CDH13: variants seen among roughly 807,000 people sequenced by gnomAD.
CDH13 encodes cadherin 13.
A neutral mutation model predicts 63.8 loss-of-function variants in CDH13; 24 were observed. That is an observed-to-expected ratio of 0.38 (90% CI 0.27 to 0.53). The LOEUF (loss-of-function observed/expected upper bound fraction) is 0.53, where lower values mean the gene tolerates loss of function less well. Among genes scored for constraint, CDH13 ranks in the 20% least tolerant of loss-of-function variants. CDH13 has a pLI of 0.85. For missense variants in CDH13, 1,049 were observed against 903.1 expected, an observed-to-expected ratio of 1.16 and a Z score of -2.07; for synonymous variants, 503 against 355.3, an observed-to-expected ratio of 1.42 and a Z score of -4.67.
chr16:82,715,497 G>A (rs1025285298), intron 1 of CDH13, among the ~76,000 whole-genome samples: 1 of 152,116 alleles, frequency 6.6e-6, no homozygotes, highest in East Asian at 1.9e-4. Context: ...AAGCCGCAAA[G>A]GATTTTATTT....
intron 1 of CDH13, among the ~76,000 whole-genome samples, chr16:82,670,912 G>A (rs968646391): frequency 2.0e-5 from 3 of 152,186 alleles, no homozygotes; most frequent in African/African-American, 7.2e-5. Context: ...TCCTGGAGGT[G>A]CAGTATCACC....
intron 5 of CDH13, among the ~76,000 whole-genome samples, chr16:83,229,171 A>C (rs370456651): frequency 1.3e-5 from 2 of 152,308 alleles, no homozygotes; most frequent in East Asian, 1.9e-4. Context: ...TCCAATTTGC[A>C]TTTCAAGAAG....
intron 6 of CDH13, among the ~76,000 whole-genome samples, chr16:83,349,526 G>C (rs939979376): frequency 6.6e-6 from 1 of 152,012 alleles, no homozygotes; most frequent in Admixed American, 6.6e-5. Flanking sequence ...AGAGGTACAG[G>C]GACAGATACC....
At chr16:83,751,707 G>A (rs734021) in intron 11 of CDH13, among the ~76,000 whole-genome samples, 23,573 of 152,202 alleles carry the variant, frequency 0.15, 2,215 homozygotes, top group East Asian at 0.25. Context: ...CAGAGGGGAA[G>A]AACCTAGATA....
At chr16:83,151,451 T>C (rs780404534) in intron 4 of CDH13, among the ~76,000 whole-genome samples, 32 of 152,284 alleles carry the variant, frequency 2.1e-4, no homozygotes, top group South Asian at 6.2e-4. Context: ...AATGTACCTA[T>C]GGGAGGATAG....
intron 4 of CDH13, among the ~76,000 whole-genome samples, chr16:83,155,765 A>T (rs2037181749): frequency 6.6e-6 from 1 of 152,218 alleles, no homozygotes; most frequent in Non-Finnish European, 1.5e-5. Context: ...ACTGAACTGC[A>T]AACAGATGAT....
intron 5 of CDH13, among the ~76,000 whole-genome samples, chr16:83,284,432 T>C (rs2089258974): frequency 6.6e-6 from 1 of 152,240 alleles, no homozygotes; most frequent in South Asian, 2.1e-4. Flanking sequence ...CATTAAAATA[T>C]ATTTACTCTA....
At position 83,123,463 on chromosome 16, in the gene CDH13, G is replaced by C. The variant is rs1022005051; in HGVS notation, c.367-1922G>C. On this transcript the variant is annotated intron_variant, in intron 3 of 13. Coordinates refer to ENST00000567109, the MANE Select transcript of CDH13 (RefSeq NM_001257.5). ...CCCGGCTAATTTTGTATTTTTAGTAGAGACGAGGTTTCTCCATGTTGGTCA... is the reference window on the plus strand; with the variant it reads ...CCCGGCTAATTTTGTATTTTTAGTACAGACGAGGTTTCTCCATGTTGGTCA... Among the ~76,000 whole-genome samples the C allele has an allele frequency of 3.9e-5, 6 of 152,058 alleles. No individual in the cohort carries two copies. The South Asian group carries it at 6.2e-4, about 16-fold the overall frequency.
At chr16:83,554,958 T>C (rs1198554103) in intron 7 of CDH13, among the ~76,000 whole-genome samples, 1 of 151,160 alleles carries the variant, frequency 6.6e-6, no homozygotes. Context: ...TCTCCCTCTT[T>C]GTTATTTAGG....
chr16:83,068,991 T>G (rs1251188295), intron 3 of CDH13, among the ~76,000 whole-genome samples: 1 of 152,180 alleles, frequency 6.6e-6, no homozygotes, highest in East Asian at 1.9e-4. Flanking sequence ...GTTACCCATT[T>G]CCCATGCCCC....
At chr16:82,713,830 A>AC (rs1324289197) in intron 1 of CDH13, among the ~76,000 whole-genome samples, 17 of 151,314 alleles carry the variant, frequency 1.1e-4, no homozygotes, top group Non-Finnish European at 2.2e-4. Flanking sequence ...ACAAAAAAAA[A>AC]GGAAAACAAT....
intron 8 of CDH13, among the ~76,000 whole-genome samples, chr16:83,669,521 C>CCTT: frequency 6.6e-6 from 1 of 152,198 alleles, no homozygotes; most frequent in African/African-American, 2.4e-5. Context: ...CCTCAGTATC[C>CCTT]CTTCTCATTC....
intron 1 of CDH13, among the ~76,000 whole-genome samples, chr16:82,643,913 A>AC (rs1909739605): frequency 1.9e-5 from 1 of 51,328 alleles, no homozygotes; most frequent in Non-Finnish European, 5.9e-5. Context: ...GGCCCAGTTA[A>AC]TTAAAAAAAA....
At chr16:83,057,647 C>A (rs1459575049) in intron 3 of CDH13, among the ~76,000 whole-genome samples, 2 of 151,422 alleles carry the variant, frequency 1.3e-5, no homozygotes, top group South Asian at 2.1e-4. Flanking sequence ...GCATGACACA[C>A]AAAACCATCT....
intron 5 of CDH13, among the ~76,000 whole-genome samples, chr16:83,311,258 A>T (rs571988343): frequency 6.6e-6 from 1 of 152,246 alleles, no homozygotes; most frequent in East Asian, 1.9e-4. Flanking sequence ...GGCTTGGAGC[A>T]AGTCAACTTC....
rs1483615864 is a variant in CDH13, at chr16:83,421,680, T to C, written c.782-64797T>C. Among the ~76,000 whole-genome samples the C allele has an allele frequency of 2.0e-5, 3 of 152,182 alleles. No individual in the cohort carries two copies. The East Asian group carries it at 5.8e-4, about 29-fold the overall frequency. On this transcript the variant is annotated intron_variant, in intron 6 of 13. Coordinates refer to ENST00000567109, the MANE Select transcript of CDH13 (RefSeq NM_001257.5). ...CAGATTACATGGCCACCCCTACTGT[T>C]GAGGAGACTAATGAAGTATTTGGCT...
rs71148809 is a variant in CDH13, at chr16:83,080,871, G to GTTTTTTTTTTTTTTTTTTTTTTTTTTTTT, written c.367-44487_367-44486insTTTTTTTTTTTTTTTTTTTTTTTTTTTTT. On this transcript the variant is annotated intron_variant, in intron 3 of 13. Transcript: ENST00000567109. ...AGATAGAGTTTTGTTTTGTTTTTGT[G>GTTTTTTTTTTTTTTTTTTTTTTTTTTTTT]TTTTTTTTTTTTTTTTTTTTTTTTT... is the stretch of plus-strand genomic sequence containing the variant. Among the ~76,000 whole-genome samples, 8 of 46,956 alleles carry GTTTTTTTTTTTTTTTTTTTTTTTTTTTTT rather than the reference G, an allele frequency of 1.7e-4. 2 individuals carry two copies. The highest frequency in any genetic ancestry group is 7.4e-4 in the African/African-American group (8 of 10,816). 30.8% of individuals were successfully genotyped at this position (46,956 alleles called of 152,430 possible). A position where few individuals can be genotyped will look rare whatever the true frequency, so the allele number is the denominator to read the frequency against.
chr16:82,703,552 T>C (rs1200650113), intron 1 of CDH13, among the ~76,000 whole-genome samples: 1 of 152,186 alleles, frequency 6.6e-6, no homozygotes, highest in Non-Finnish European at 1.5e-5. Flanking sequence ...CAGTGGTACC[T>C]GGACTGATAA....
intron 2 of CDH13, among the ~76,000 whole-genome samples, chr16:82,956,533 G>C (rs1262033090): frequency 6.6e-6 from 1 of 150,552 alleles, no homozygotes; most frequent in East Asian, 2.0e-4. Context: ...TCAAGCTCAG[G>C]TATATCCTGC....
Sources: gnomAD v4.1 joint callset for allele counts (sites outside exome capture counted in the v4.1 genomes callset) on GRCh38, gnomAD v4.1.1 for gene constraint, MANE v1.5 for transcripts, NCBI Gene and HGNC (gene_info 2026-07-23, HGNC 2026-07-21) for gene names.